The following EPHA6 variants were observed in gnomAD, a reference collection of about 807,000 sequenced individuals.
The protein encoded by EPHA6 is ephrin type-A receptor 6.
Under a neutral mutation model 112.0 loss-of-function variants are expected in EPHA6, and 50 were observed. That is an observed-to-expected ratio of 0.45 (90% CI 0.36 to 0.56). The LOEUF is 0.56. EPHA6 is among the 20% of genes least tolerant of loss of function. The probability of loss-of-function intolerance (pLI) is 0.00; values close to 1 mark genes in which losing one functional copy is unlikely to be tolerated. For missense variants in EPHA6, 1,280 were observed against 1,417.4 expected (o/e 0.90, Z 1.56); for synonymous variants, 529 against 490.7 (o/e 1.08, Z -1.03).
chr3:96,905,080 T>G (rs1288014251), intron 2 of EPHA6, among the ~76,000 whole-genome samples: 2 of 152,056 alleles, frequency 1.3e-5, no homozygotes, highest in Non-Finnish European at 2.9e-5. Context: ...AAAGAGTACA[T>G]GTGACATGTG....
At chr3:97,486,017 A>G (rs921844419) in intron 10 of EPHA6, among the ~76,000 whole-genome samples, 1 of 152,206 alleles carries the variant, frequency 6.6e-6, no homozygotes, top group African/African-American at 2.4e-5. Context: ...TGTTTCTTTT[A>G]TTTTTAGATA....
chr3:96,865,400 A>T (rs2036246330), intron 1 of EPHA6, among the ~76,000 whole-genome samples: 2 of 151,970 alleles, frequency 1.3e-5, no homozygotes, highest in Non-Finnish European at 2.9e-5. Flanking sequence ...AGAAACCCCC[A>T]GCCAGGTGCC....
At chr3:97,571,881 A>G (rs892625210) in intron 11 of EPHA6, among the ~76,000 whole-genome samples, 2 of 152,252 alleles carry the variant, frequency 1.3e-5, no homozygotes, top group African/African-American at 4.8e-5. Context: ...TGGAAGGTCA[A>G]TGAAACTTGC....
chr3:97,672,557 C>T (rs372839145), intron 14 of EPHA6, among the ~76,000 whole-genome samples: 76 of 151,908 alleles, frequency 5.0e-4, no homozygotes, highest in South Asian at 1.0e-3. Flanking sequence ...GTCAAAATAG[C>T]AAAATGCATG....
At chr3:97,333,379 T>C (rs2082893662) in intron 5 of EPHA6, among the ~76,000 whole-genome samples, 1 of 151,930 alleles carries the variant, frequency 6.6e-6, no homozygotes, top group African/African-American at 2.4e-5. Flanking sequence ...TTGTGTTTTG[T>C]ATATCCCTTG....
At chr3:97,427,591 A>C (rs1438666654) in intron 6 of EPHA6, among the ~76,000 whole-genome samples, 3 of 151,612 alleles carry the variant, frequency 2.0e-5, no homozygotes, top group Admixed American at 2.0e-4. Context: ...AATGGGTACT[A>C]GGCTTAATAC....
chr3:97,557,524 AT>A (rs1160417756), intron 11 of EPHA6, among the ~76,000 whole-genome samples: 31 of 151,934 alleles, frequency 2.0e-4, no homozygotes, highest in Non-Finnish European at 4.6e-4. Context: ...GGTCTCTTTT[AT>A]CTTATATGTT....
chr3:97,277,892 G>A (rs990895597), intron 5 of EPHA6, among the ~76,000 whole-genome samples: 10 of 152,228 alleles, frequency 6.6e-5, no homozygotes, highest in Non-Finnish European at 1.3e-4. Context: ...AACACTGTAC[G>A]CTGAGGCTAC....
Position 97,149,026 on chromosome 3 carries a change from C to T in EPHA6, c.1115-77238C>T, listed in dbSNP as rs547607773. 9.9e-5 allele frequency among the ~76,000 whole-genome samples: 15 copies of T among 152,088 alleles called. No individual in the cohort carries two copies. The East Asian group carries it at 2.3e-3, about 24-fold the overall frequency. On this transcript the variant is annotated intron_variant, in intron 3 of 17. Coordinates refer to ENST00000389672, the MANE Select transcript of EPHA6 (RefSeq NM_001080448.3). ...GATGGTTCTTTTCATTTTTATCTCA[C>T]GCTGTGACTTTGACAGTCAGACTGG... is the stretch of plus-strand genomic sequence containing the variant.
chr3:96,997,345 G>C (rs950137655), intron 3 of EPHA6, among the ~76,000 whole-genome samples: 2 of 151,952 alleles, frequency 1.3e-5, no homozygotes, highest in African/African-American at 4.8e-5. Context: ...GGCTAACTCT[G>C]GGGCAAGAAG....
intron 1 of EPHA6, among the ~76,000 whole-genome samples, chr3:96,855,147 C>T (rs903332383): frequency 2.6e-5 from 4 of 152,134 alleles, no homozygotes; most frequent in African/African-American, 9.7e-5. Flanking sequence ...ACATCTTCCA[C>T]TAGTTCTCTG....
chr3:97,327,891 A>G (rs1406184748), intron 5 of EPHA6, among the ~76,000 whole-genome samples: 1 of 147,236 alleles, frequency 6.8e-6, no homozygotes, highest in African/African-American at 2.5e-5. Context: ...GTGTGTATAT[A>G]TATGTATATG....
intron 10 of EPHA6, among the ~76,000 whole-genome samples, chr3:97,514,599 T>C (rs972062916): frequency 1.3e-5 from 2 of 152,190 alleles, no homozygotes; most frequent in African/African-American, 4.8e-5. Flanking sequence ...TTCTCTGGAC[T>C]GAATTGTGTC....
At chr3:97,499,038 C>A (rs372551355) in intron 10 of EPHA6, among the ~76,000 whole-genome samples, 2 of 152,076 alleles carry the variant, frequency 1.3e-5, no homozygotes, top group Non-Finnish European at 2.9e-5. Context: ...CTTTTTAAAA[C>A]TTTTAAGCTT....
intron 5 of EPHA6, among the ~76,000 whole-genome samples, chr3:97,343,792 G>A (rs1380334984): frequency 6.6e-6 from 1 of 152,218 alleles, no homozygotes; most frequent in Non-Finnish European, 1.5e-5. Flanking sequence ...TGGGTGTCAA[G>A]AGGGCAGGGT....
intron 10 of EPHA6, among the ~76,000 whole-genome samples, chr3:97,512,688 G>A (rs780814897): frequency 6.6e-5 from 10 of 151,992 alleles, no homozygotes; most frequent in African/African-American, 1.7e-4. Flanking sequence ...CTCAATCTCC[G>A]GAGTAGCTGG....
At chr3:97,003,562 G>A (rs916180396) in intron 3 of EPHA6, among the ~76,000 whole-genome samples, 1 of 152,048 alleles carries the variant, frequency 6.6e-6, no homozygotes, top group African/African-American at 2.4e-5. Context: ...ATAAAATGAG[G>A]CTGACTTGTA....
intron 14 of EPHA6, among the ~76,000 whole-genome samples, chr3:97,671,843 A>C (rs1007523606): frequency 2.6e-5 from 4 of 152,176 alleles, no homozygotes; most frequent in Non-Finnish European, 5.9e-5. Flanking sequence ...AAGAAAAAAA[A>C]AAGCAGAAAT....
chr3:97,017,991 T>A (rs1005963149), intron 3 of EPHA6, among the ~76,000 whole-genome samples: 9 of 151,906 alleles, frequency 5.9e-5, no homozygotes, highest in Admixed American at 5.9e-4. Context: ...TTCTTTTTTT[T>A]TTTGTCTCCT....
Sources: allele counts gnomAD v4.1 joint callset (sites outside exome capture counted in the v4.1 genomes callset), GRCh38; gene constraint gnomAD v4.1.1; transcripts MANE v1.5; gene names NCBI Gene and HGNC (gene_info 2026-07-23, HGNC 2026-07-21).